Variants in KLF12 observed in about 807,000 individuals in gnomAD.
The protein encoded by KLF12 is KLF transcription factor 12, also known as Krueppel-like factor 12.
Under a neutral mutation model 37.8 loss-of-function variants are expected in KLF12, and 9 were observed. The observed-to-expected ratio is 0.24, with a 90% CI of 0.14 to 0.42. The LOEUF is 0.42. KLF12 is among the 10% of genes least tolerant of loss of function. KLF12 has a pLI of 1.00. For missense variants in KLF12, 411 were observed against 516.0 expected, an observed-to-expected ratio of 0.80 and a Z score of 1.97; for synonymous variants, 208 against 202.1, an observed-to-expected ratio of 1.03 and a Z score of -0.25.
chr13:74,260,701 G>A, the KLF12 span, among the ~76,000 whole-genome samples: 3 of 151,600 alleles, frequency 2.0e-5, no homozygotes, highest in Non-Finnish European at 4.4e-5. Context: ...AAAAAAATAG[G>A]TCCTGTGATT....
intron 1 of KLF12, among the ~76,000 whole-genome samples, chr13:74,059,563 T>C (rs537332447): frequency 1.3e-5 from 2 of 152,366 alleles, no homozygotes; most frequent in East Asian, 3.9e-4. Context: ...TTCTTCATGT[T>C]TGTTGGCCAC....
intron 3 of KLF12, among the ~76,000 whole-genome samples, chr13:73,885,928 A>G (rs766434190): frequency 1.3e-5 from 2 of 152,232 alleles, no homozygotes; most frequent in Non-Finnish European, 2.9e-5. Flanking sequence ...TGAAGGAATG[A>G]GGAAGATCAA....
At chr13:74,221,110 T>A in the KLF12 span, among the ~76,000 whole-genome samples, 1 of 151,346 alleles carries the variant, frequency 6.6e-6, no homozygotes, top group Non-Finnish European at 1.5e-5. Flanking sequence ...GTTCACGCCA[T>A]TCTCCTGCCT....
At chr13:74,157,052 A>G in the KLF12 span, among the ~76,000 whole-genome samples, 1 of 152,138 alleles carries the variant, frequency 6.6e-6, no homozygotes, top group African/African-American at 2.4e-5. Flanking sequence ...GAGATCATAT[A>G]TGTTGTTTTA....
chr13:74,150,153 A>G, the KLF12 span, among the ~76,000 whole-genome samples: 1 of 152,026 alleles, frequency 6.6e-6, no homozygotes, highest in Non-Finnish European at 1.5e-5. Context: ...TCACTGATGT[A>G]TTCACGTTGC....
At chr13:73,837,430 T>C (rs1392807738) in intron 4 of KLF12, among the ~76,000 whole-genome samples, 1 of 152,312 alleles carries the variant, frequency 6.6e-6, no homozygotes, top group Non-Finnish European at 1.5e-5. Flanking sequence ...TTCAACCTCT[T>C]GTGCATGCCC....
the KLF12 span, among the ~76,000 whole-genome samples, chr13:74,282,102 G>T: frequency 1.3e-5 from 2 of 152,136 alleles, no homozygotes; most frequent in Non-Finnish European, 2.9e-5. Flanking sequence ...CTTGCAATTT[G>T]ACCATAGCCC....
At chr13:73,750,561 C>T (rs1044484820) in intron 6 of KLF12, among the ~76,000 whole-genome samples, 3 of 152,092 alleles carry the variant, frequency 2.0e-5, no homozygotes, top group Admixed American at 6.5e-5. Flanking sequence ...CATATGGTGG[C>T]ATTGGATCAG....
At chr13:73,801,462 A>G (rs1255627719) in intron 5 of KLF12, 1 of 152,134 alleles carries the variant, frequency 6.6e-6, no homozygotes, top group Non-Finnish European at 1.5e-5. Context: ...AGTGAAACTT[A>G]TTAATATTTC....
intron 7 of KLF12, among the ~76,000 whole-genome samples, chr13:73,696,927 C>T (rs1166609147): frequency 2.0e-5 from 3 of 152,208 alleles, no homozygotes; most frequent in Non-Finnish European, 4.4e-5. Flanking sequence ...ATTTCTATGA[C>T]ATCACCTATC....
At chr13:73,899,369 T>C (rs1383157425) in intron 3 of KLF12, among the ~76,000 whole-genome samples, 1 of 152,162 alleles carries the variant, frequency 6.6e-6, no homozygotes, top group South Asian at 2.1e-4. Context: ...AGTAAGTGAC[T>C]TGGAGGACAA....
the KLF12 span, among the ~76,000 whole-genome samples, chr13:74,206,944 G>A: frequency 6.6e-6 from 1 of 152,262 alleles, no homozygotes; most frequent in East Asian, 1.9e-4. Context: ...CATTGTCTAA[G>A]TCTGTTTTGT....
chr13:74,042,952 G>A (rs987052252), intron 1 of KLF12, among the ~76,000 whole-genome samples: 3 of 152,154 alleles, frequency 2.0e-5, no homozygotes, highest in Admixed American at 1.3e-4. Context: ...TAGGAATAAG[G>A]ATTCAAGAAA....
chr13:73,927,141 A>C (rs1037255760), intron 3 of KLF12, among the ~76,000 whole-genome samples: 2 of 152,216 alleles, frequency 1.3e-5, no homozygotes, highest in African/African-American at 4.8e-5. Flanking sequence ...ACTCTAGAAC[A>C]GTTGAACAGG....
chr13:73,964,707 A>G lies in KLF12; in HGVS notation c.34-20637T>C, dbSNP rs544884941. 1.8e-3 allele frequency among the ~76,000 whole-genome samples: 271 copies of G among 152,132 alleles called. 2 individuals carry two copies. Among genetic ancestry groups the G allele is most frequent in the Non-Finnish European group, 2.5e-4 (17 of 67,982 alleles). On this transcript the variant is annotated intron_variant, in intron 2 of 7. Coordinates refer to ENST00000377669, the MANE Select transcript of KLF12 (RefSeq NM_007249.5). ...TTCAAAAAGGTATCAGAAGCTGGAC[A>G]TGGTGGCTCATGCCTATAAATCCCA... is the stretch of plus-strand genomic sequence containing the variant.
intron 1 of KLF12, among the ~76,000 whole-genome samples, chr13:74,069,074 T>C (rs115195102): frequency 4.1e-4 from 62 of 152,260 alleles, no homozygotes; most frequent in African/African-American, 1.5e-3. Flanking sequence ...TGTAATGGGA[T>C]AGACAGACAT....
At chr13:74,039,841 GTC>G (rs1893354541) in intron 1 of KLF12, among the ~76,000 whole-genome samples, 1 of 152,208 alleles carries the variant, frequency 6.6e-6, no homozygotes, top group Non-Finnish European at 1.5e-5. Context: ...CTAAACTGTT[GTC>G]TGACACATAA....
intron 2 of KLF12, among the ~76,000 whole-genome samples, chr13:73,945,144 T>C (rs1157674307): frequency 6.6e-6 from 1 of 152,192 alleles, no homozygotes; most frequent in Non-Finnish European, 1.5e-5. Flanking sequence ...ACCTTTAATA[T>C]GGTTGCTTTC....
intron 1 of KLF12, among the ~76,000 whole-genome samples, chr13:74,035,911 T>C (rs1893233944): frequency 6.6e-6 from 1 of 152,232 alleles, no homozygotes; most frequent in Admixed American, 6.5e-5. Flanking sequence ...TTTTATTTAC[T>C]ATTCATAACT....
Sources: gnomAD v4.1 joint callset for allele counts (sites outside exome capture counted in the v4.1 genomes callset) on GRCh38, gnomAD v4.1.1 for gene constraint, MANE v1.5 for transcripts, NCBI Gene and HGNC (gene_info 2026-07-23, HGNC 2026-07-21) for gene names.